ELMO1: variants seen among roughly 807,000 people sequenced by gnomAD.
The protein encoded by ELMO1 is engulfment and cell motility protein 1.
Under a neutral mutation model 98.9 loss-of-function variants are expected in ELMO1, and 26 were observed. The observed-to-expected ratio is 0.26, with a 90% CI of 0.19 to 0.36. The LOEUF (loss-of-function observed/expected upper bound fraction) is 0.36, where lower values mean the gene tolerates loss of function less well. Ranked by LOEUF, ELMO1 falls within the 10% of genes least tolerant of loss-of-function variation. The probability of loss-of-function intolerance (pLI) is 1.00; values close to 1 mark genes in which losing one functional copy is unlikely to be tolerated. For missense variants in ELMO1, 627 were observed against 935.2 expected, an observed-to-expected ratio of 0.67 and a Z score of 4.30; for synonymous variants, 346 against 346.0, an observed-to-expected ratio of 1.00 and a Z score of 0.00.
intron 13 of ELMO1, among the ~76,000 whole-genome samples, chr7:37,170,714 C>CT (rs911987294): frequency 1.3e-5 from 2 of 150,754 alleles, no homozygotes; most frequent in Admixed American, 1.3e-4. Context: ...TCAAGCGATT[C>CT]TTGTGCCTCA....
rs555809262 is a variant in ELMO1 at position 37,290,408 on chromosome 7, C to T, written c.193-18526G>A. Among the ~76,000 whole-genome samples, 63 of 152,254 alleles carry T rather than the reference C, an allele frequency of 4.1e-4. 1 individual carries two copies. The highest frequency in any genetic ancestry group is 1.4e-3 in the Admixed American group (22 of 15,294). Reference sequence around the variant, plus strand: ...TATTAAAATTATGTAATCTCTGATACTTATTTTGTTAATCTTTAAAAGATG... The same window carrying T: ...TATTAAAATTATGTAATCTCTGATATTTATTTTGTTAATCTTTAAAAGATG... On this transcript the variant is annotated intron_variant, in intron 4 of 21. Coordinates refer to ENST00000310758, the MANE Select transcript of ELMO1 (RefSeq NM_014800.11).
At chr7:37,126,064 G>C (rs555523301) in intron 14 of ELMO1, among the ~76,000 whole-genome samples, 1 of 151,732 alleles carries the variant, frequency 6.6e-6, no homozygotes, top group Non-Finnish European at 1.5e-5. Flanking sequence ...ACCAAACATC[G>C]CATGTTCTCA....
chr7:36,984,124 G>C (rs1562876860), intron 16 of ELMO1, among the ~76,000 whole-genome samples: 2 of 152,186 alleles, frequency 1.3e-5, no homozygotes, highest in Non-Finnish European at 2.9e-5. Context: ...CTAACGAGCT[G>C]ACTGTCACTT....
chr7:36,939,523 T>C (rs1251784696), intron 16 of ELMO1, among the ~76,000 whole-genome samples: 10 of 152,380 alleles, frequency 6.6e-5, no homozygotes, highest in African/African-American at 2.4e-4. Context: ...GTAGATCCTA[T>C]TCCAACTTGG....
intron 16 of ELMO1, among the ~76,000 whole-genome samples, chr7:36,959,771 C>T (rs991205016): frequency 1.3e-5 from 2 of 152,218 alleles, no homozygotes; most frequent in Non-Finnish European, 2.9e-5. Context: ...ACCTCTGCCT[C>T]CCAGGTTCAA....
rs552435910 is a variant in ELMO1 at position 37,432,611 on chromosome 7, G to T, written c.-74+16064C>A. ...GCTAGAAAAATAATATGCAATTATA[G>T]TCTAGAAACGTATATTATCAAGGCC... On this transcript the variant is annotated intron_variant, in intron 1 of 21. Transcript: ENST00000310758. Among the ~76,000 whole-genome samples the T allele has an allele frequency of 8.5e-5, 13 of 152,364 alleles. 1 individual carries two copies. The South Asian group carries it at 2.5e-3, about 29-fold the overall frequency.
chr7:37,429,477 G>C (rs1163012403), intron 1 of ELMO1: 1 of 152,264 alleles, frequency 6.6e-6, no homozygotes, highest in African/African-American at 2.4e-5. Flanking sequence ...CTTACAGGCA[G>C]GGAAAAGGGC....
At chr7:36,862,219 A>G in intron 20 of ELMO1, 1 of 167,022 alleles carries the variant, frequency 6.0e-6, no homozygotes, top group African/African-American at 2.4e-5. Flanking sequence ...AGGCCCACAG[A>G]GGTATGAATT....
rs61085533 is a variant in ELMO1 at position 37,184,749 on chromosome 7, C to CA, written c.1086+26636dup. Among the ~76,000 whole-genome samples the CA allele has an allele frequency of 9.8e-3, 1,489 of 151,790 alleles. 22 individuals carry two copies. The highest frequency in any genetic ancestry group is 0.034 in the African/African-American group (1,423 of 41,346). ...ATAGCAAAACCCCATCTCTACCCCC[C>CA]AAAAAAGACAAAAATTAGCCCTGGT... is the stretch of plus-strand genomic sequence containing the variant. On this transcript the variant is annotated intron_variant, in intron 13 of 21. Transcript: ENST00000310758.
chr7:37,331,075 T>A (rs867465542), intron 2 of ELMO1, among the ~76,000 whole-genome samples: 1 of 64 alleles, frequency 0.016, no homozygotes. Context: ...AATTTAAAAC[T>A]TATGAGTGTT....
At chr7:37,248,228 C>T (rs1047122904) in intron 6 of ELMO1, among the ~76,000 whole-genome samples, 3 of 151,544 alleles carry the variant, frequency 2.0e-5, no homozygotes, top group Non-Finnish European at 4.4e-5. Context: ...CTCAATATAC[C>T]TATTTTTTTA....
chr7:37,085,515 A>T (rs1184704468), intron 15 of ELMO1, among the ~76,000 whole-genome samples: 1 of 152,132 alleles, frequency 6.6e-6, no homozygotes, highest in East Asian at 1.9e-4. Context: ...TTCTGCTTAT[A>T]CTTTCCCTCC....
chr7:37,445,572 G>T (rs771042156), intron 1 of ELMO1, among the ~76,000 whole-genome samples: 1 of 89,264 alleles, frequency 1.1e-5, no homozygotes, highest in Non-Finnish European at 2.3e-5. Context: ...TTCCCCACCC[G>T]CCCCACCCAC....
chr7:37,136,253 G>C (rs1390925954), intron 13 of ELMO1, among the ~76,000 whole-genome samples: 4 of 152,158 alleles, frequency 2.6e-5, no homozygotes, highest in African/African-American at 7.2e-5. Context: ...AGAATAATTG[G>C]TGTTCCTAAG....
chr7:37,010,963 T>C (rs1452938725), intron 16 of ELMO1, among the ~76,000 whole-genome samples: 1 of 152,242 alleles, frequency 6.6e-6, no homozygotes, highest in African/African-American at 2.4e-5. Context: ...ATATCTGCTC[T>C]TGCCTGATGG....
intron 17 of ELMO1, among the ~76,000 whole-genome samples, chr7:36,890,382 T>C (rs1805446829): frequency 1.3e-5 from 2 of 152,204 alleles, no homozygotes; most frequent in Non-Finnish European, 2.9e-5. Context: ...TCTGCCCTAC[T>C]GAGCAACTAC....
intron 5 of ELMO1, among the ~76,000 whole-genome samples, chr7:37,267,038 T>TACACAC (rs60344761): frequency 2.0e-5 from 2 of 100,354 alleles, no homozygotes; most frequent in African/African-American, 3.7e-5. Flanking sequence ...TATGTATATA[T>TACACAC]ACACACACAC....
rs1388153169 is a variant in ELMO1 at position 36,944,015 on chromosome 7, T to C, written c.1438-48998A>G. Among the ~76,000 whole-genome samples the C allele has an allele frequency of 3.3e-5, 5 of 152,136 alleles. No individual in the cohort carries two copies. The East Asian group carries it at 5.8e-4, about 18-fold the overall frequency. On this transcript the variant is annotated intron_variant, in intron 16 of 21. Transcript: ENST00000310758. ...GAACAGGGAGAGTAAGAGAGCAAGATGGAGGTGGGGAGTACCACAGGTGGG... is the reference window on the plus strand; with the variant it reads ...GAACAGGGAGAGTAAGAGAGCAAGACGGAGGTGGGGAGTACCACAGGTGGG...
intron 12 of ELMO1, 104 bp from the exon 13 acceptor site, chr7:37,211,621 G>T: frequency 7.1e-7 from 1 of 1,411,448 alleles, no homozygotes; most frequent in Non-Finnish European, 9.5e-7. Flanking sequence ...ATGAATCACT[G>T]CATTCAGGCA....
Sources: gnomAD v4.1 joint callset for allele counts (sites outside exome capture counted in the v4.1 genomes callset) on GRCh38, gnomAD v4.1.1 for gene constraint, MANE v1.5 for transcripts, NCBI Gene and HGNC (gene_info 2026-07-23, HGNC 2026-07-21) for gene names.